The following GLT1D1 variants were observed in gnomAD, a reference collection of about 807,000 sequenced individuals.
The protein encoded by GLT1D1 is glycosyltransferase 1 domain containing 1, also known as glycosyltransferase 1 domain-containing protein 1.
GLT1D1 carries 21 observed loss-of-function variants against 28.7 expected under a neutral mutation model. The ratio of observed to expected loss-of-function variants is 0.73; its 90% confidence interval spans 0.52 to 1.05. GLT1D1 has a LOEUF of 1.05. Ranked by LOEUF, GLT1D1 falls within the 50% of genes least tolerant of loss-of-function variation. The pLI is 0.00. For missense variants in GLT1D1, 343 were observed against 330.6 expected (o/e 1.04, Z -0.29); for synonymous variants, 147 against 124.8 (o/e 1.18, Z -1.19).
intron 4 of GLT1D1, among the ~76,000 whole-genome samples, chr12:128,925,094 T>G: frequency 6.6e-6 from 1 of 152,300 alleles, no homozygotes; most frequent in South Asian, 2.1e-4. Context: ...TGAAATTATA[T>G]GTATGTGAGG....
At chr12:128,910,264 CT>C (rs11361008) in intron 4 of GLT1D1, among the ~76,000 whole-genome samples, 39,046 of 114,006 alleles carry the variant, frequency 0.34, 4,922 homozygotes, top group East Asian at 0.43. Context: ...AAGTTTAACT[CT>C]TTTTTTTTTT....
At chr12:128,939,849 C>G (rs977322284) in intron 4 of GLT1D1, among the ~76,000 whole-genome samples, 5 of 140,220 alleles carry the variant, frequency 3.6e-5, no homozygotes, top group African/African-American at 1.0e-4. Context: ...CCCCCCCCAC[C>G]GCCGATCCAA....
At chr12:128,867,175 CCT>C (rs1376419975) in intron 1 of GLT1D1, among the ~76,000 whole-genome samples, 1 of 151,106 alleles carries the variant, frequency 6.6e-6, no homozygotes, top group African/African-American at 2.4e-5. Flanking sequence ...GGGCGGATCA[CCT>C]GAGGTCAGGA....
chr12:128,971,844 CCTCT>C (rs1333400201), intron 7 of GLT1D1, among the ~76,000 whole-genome samples: 1 of 89,248 alleles, frequency 1.1e-5, no homozygotes. Context: ...TCCCTCCCTT[CCTCT>C]CTCCCTTCCC....
At chr12:128,881,845 A>T (rs1957068553) in intron 2 of GLT1D1, among the ~76,000 whole-genome samples, 1 of 151,626 alleles carries the variant, frequency 6.6e-6, no homozygotes, top group Non-Finnish European at 1.5e-5. Context: ...TTAGAAATAG[A>T]TGGTCTATAT....
intron 3 of GLT1D1, among the ~76,000 whole-genome samples, chr12:128,894,888 A>G (rs1869455264): frequency 6.6e-6 from 1 of 150,392 alleles, no homozygotes; most frequent in Non-Finnish European, 1.5e-5. Flanking sequence ...AATTATATAT[A>G]TATATATAAC....
intron 7 of GLT1D1, among the ~76,000 whole-genome samples, chr12:128,965,312 C>G (rs1022920223): frequency 1.3e-5 from 2 of 152,204 alleles, no homozygotes; most frequent in African/African-American, 2.4e-5. Flanking sequence ...CCCTGGTTGA[C>G]AGCCAGTGGG....
At chr12:128,951,390 G>A (rs1257288238) in intron 6 of GLT1D1, among the ~76,000 whole-genome samples, 5 of 152,148 alleles carry the variant, frequency 3.3e-5, no homozygotes, top group East Asian at 1.9e-4. Context: ...GTGACAGAGC[G>A]AGACTCCATC....
chr12:128,864,637 A>G (rs1956470483), intron 1 of GLT1D1, among the ~76,000 whole-genome samples: 1 of 152,194 alleles, frequency 6.6e-6, no homozygotes. Context: ...AGGAGAGAGT[A>G]GAGCCTGATT....
At chr12:128,876,861 C>A (rs987507581) in intron 2 of GLT1D1, among the ~76,000 whole-genome samples, 2 of 152,192 alleles carry the variant, frequency 1.3e-5, no homozygotes, top group African/African-American at 4.8e-5. Flanking sequence ...GGGCCCCAAG[C>A]TTTGGAAGTA....
intron 1 of GLT1D1, among the ~76,000 whole-genome samples, chr12:128,862,623 A>C (rs1956409904): frequency 6.6e-6 from 1 of 152,202 alleles, no homozygotes; most frequent in South Asian, 2.1e-4. Context: ...CAGCTTGGGC[A>C]GCAACAGAAT....
At chr12:128,951,378 G>T (rs1400733933) in intron 6 of GLT1D1, among the ~76,000 whole-genome samples, 1 of 152,158 alleles carries the variant, frequency 6.6e-6, no homozygotes, top group Non-Finnish European at 1.5e-5. Context: ...ACTCCAGCCT[G>T]GGTGACAGAG....
chr12:128,895,424 G>A (rs1869513929), intron 3 of GLT1D1, among the ~76,000 whole-genome samples: 1 of 151,932 alleles, frequency 6.6e-6, no homozygotes. Flanking sequence ...GTTAGGGGAG[G>A]GGTCGGGAGT....
chr12:128,888,283 T>G (rs959939857), intron 2 of GLT1D1, among the ~76,000 whole-genome samples: 15 of 152,186 alleles, frequency 9.9e-5, no homozygotes, highest in Admixed American at 6.5e-5. Flanking sequence ...TGGAGAGCCC[T>G]TTTTTTGTCA....
intron 6 of GLT1D1, among the ~76,000 whole-genome samples, chr12:128,949,562 G>A (rs979317239): frequency 1.3e-5 from 2 of 152,232 alleles, no homozygotes; most frequent in South Asian, 2.1e-4. Context: ...GCAGAAACAC[G>A]TTTCTTACTG....
chr12:128,966,892 G>A (rs1878513153), intron 7 of GLT1D1, among the ~76,000 whole-genome samples: 1 of 152,120 alleles, frequency 6.6e-6, no homozygotes, highest in Non-Finnish European at 1.5e-5. Context: ...TTCAATTTAA[G>A]CAAAGCTTTC....
At chr12:128,878,330 G>A (rs1314446624) in intron 2 of GLT1D1, among the ~76,000 whole-genome samples, 5 of 152,154 alleles carry the variant, frequency 3.3e-5, no homozygotes, top group Non-Finnish European at 7.3e-5. Flanking sequence ...CACATACATA[G>A]ATCTGTCTCA....
rs184037403 is a variant in GLT1D1, at chr12:128,957,472, C to T, written c.541-73C>T. The T allele has an allele frequency of 1.9e-5, 19 of 989,866 alleles. No individual in the cohort carries two copies. In the Middle Eastern group the frequency reaches 6.4e-4, roughly 33 times the overall value. The allele number at this position is 989,866 out of a possible 1,614,324, so 61.3% of individuals were successfully genotyped here. A position where few individuals can be genotyped will look rare whatever the true frequency, so the allele number is the denominator to read the frequency against. ...GTTAACCCAAGAAGTTATTCTGCCC[C>T]GCCCTGACTCATCTTGCCGCAGAGG... On this transcript the variant is annotated intron_variant, in intron 6 of 7. Coordinates refer to ENST00000281703, the MANE Select transcript of GLT1D1 (RefSeq NM_144669.3).
chr12:128,866,618 C>A (rs1322779903), intron 1 of GLT1D1, among the ~76,000 whole-genome samples: 2 of 130,606 alleles, frequency 1.5e-5, no homozygotes, highest in South Asian at 5.0e-4. Context: ...CACCTTCAGG[C>A]TTTTTTTTTT....
Sources: gnomAD v4.1 joint callset for allele counts (sites outside exome capture counted in the v4.1 genomes callset) on GRCh38, gnomAD v4.1.1 for gene constraint, MANE v1.5 for transcripts, NCBI Gene and HGNC (gene_info 2026-07-23, HGNC 2026-07-21) for gene names.